The following NNT variants were observed in gnomAD, a reference collection of about 807,000 sequenced individuals.
The protein encoded by NNT is nicotinamide nucleotide transhydrogenase.
Under a neutral mutation model 104.8 loss-of-function variants are expected in NNT, and 50 were observed. The ratio of observed to expected loss-of-function variants is 0.48; its 90% confidence interval spans 0.38 to 0.60. NNT has a LOEUF of 0.60. NNT is among the 20% of genes least tolerant of loss of function. NNT has a pLI of 0.00. For synonymous variants in NNT, 461 were observed against 490.4 expected (o/e 0.94, Z 0.79); for missense variants, 1,131 against 1,330.7 (o/e 0.85, Z 2.33).
chr5:43,640,563 T>G (rs1751175869), intron 7 of NNT, among the ~76,000 whole-genome samples: 1 of 152,048 alleles, frequency 6.6e-6, no homozygotes, highest in South Asian at 2.1e-4. Flanking sequence ...ATCTTTAAAA[T>G]AAAAATGATA....
At chr5:43,678,542 G>A (rs1009378385) in intron 19 of NNT, among the ~76,000 whole-genome samples, 1 of 152,170 alleles carries the variant, frequency 6.6e-6, no homozygotes, top group Non-Finnish European at 1.5e-5. Context: ...TCTGTGGTTT[G>A]ATTTGAGGAA....
At chr5:43,659,043 C>A in intron 16 of NNT, 128 bp from the exon 17 acceptor site, 2 of 868,986 alleles carry the variant, frequency 2.3e-6, no homozygotes, top group Non-Finnish European at 3.4e-6. Context: ...ACACTTATTA[C>A]CGGAAGTGGA....
At position 43,613,005 on chromosome 5, in the gene NNT, C is replaced by G; in HGVS notation, c.249C>G (p.Val83=). ...CTCCTGCTGGTGTTCAGAACTTGGTCAAGCAGGGTTTTAATGTTGTCGTGG... is the reference window on the plus strand; with the variant it reads ...CTCCTGCTGGTGTTCAGAACTTGGTGAAGCAGGGTTTTAATGTTGTCGTGG... The part of the protein sequence containing the change: ...ALSPAGVQNL[V]KQGFNVVVES... The change falls in exon 3 of 22, where the codon GTC becomes GTG. Residue 83 remains valine, a synonymous_variant. Transcript: ENST00000344920. 6.2e-7 allele frequency: 1 copy of G among 1,614,062 alleles called. No individual in the cohort carries two copies. The highest frequency in any genetic ancestry group is 8.5e-7 in the Non-Finnish European group (1 of 1,180,012).
chr5:43,695,349 G>A (rs566747029), intron 19 of NNT, among the ~76,000 whole-genome samples: 1 of 152,268 alleles, frequency 6.6e-6, no homozygotes, highest in East Asian at 1.9e-4. Flanking sequence ...CAGTTCTTGT[G>A]AAAAATAACA....
Position 43,655,959 on chromosome 5 carries a change from C to T in NNT, c.2179C>T (p.Pro727Ser). Residue 727 changes from proline to serine, a missense_variant, in exon 15 of 22, where the codon CCA becomes TCA. Physicochemically the swap from Pro to Ser is moderately conservative, Grantham distance 74. Transcript: ENST00000344920. ...TCIAEYIIEY[P>S]HFATDAAANL... Reference sequence around the variant, plus strand: ...CATAGCTGAGTACATTATAGAATATCCACATTTTGCTACGGATGCAGCAGC... The same window carrying T: ...CATAGCTGAGTACATTATAGAATATTCACATTTTGCTACGGATGCAGCAGC... 1 of 1,614,090 alleles carries T rather than the reference C, an allele frequency of 6.2e-7. No individual in the cohort carries two copies. The highest frequency in any genetic ancestry group is 8.5e-7 in the Non-Finnish European group (1 of 1,180,008).
rs1433097518 is a variant in NNT, at chr5:43,656,702, T to G, written c.2343T>G (p.Asn781Lys). ...PLLLPGRHLL[N>K]AGLLAASVGG... ...TACTGCCTGGAAGGCACTTACTCAA[T>G]GCAGGCTTACTGGCTGCTAGTGTGG... Residue 781 changes from asparagine to lysine, a missense_variant, in exon 16 of 22, where the codon AAT becomes AAG. Coordinates refer to ENST00000344920, the MANE Select transcript of NNT (RefSeq NM_182977.3). The G allele has an allele frequency of 6.2e-7, 1 of 1,614,048 alleles. No homozygotes were observed. Among genetic ancestry groups the G allele is most frequent in the Non-Finnish European group, 8.5e-7 (1 of 1,180,014 alleles).
rs547682076 is a variant in NNT at position 43,612,917 on chromosome 5, A to G, written c.161A>G (p.Tyr54Cys). Residue 54 changes from tyrosine (Y) to cysteine (C), a missense_variant, in exon 3 of 22, where the codon TAT (tyrosine) becomes TGT (cysteine). Transcript: ENST00000344920. ...CTTTGCTTGTTTCTAGGAATTCCATATAAGCAACTGACTGTTGGAGTCCCC... is the reference window on the plus strand; with the variant it reads ...CTTTGCTTGTTTCTAGGAATTCCATGTAAGCAACTGACTGTTGGAGTCCCC... Reference protein sequence around the residue: ...CKAPVKPGIPYKQLTVGVPKE... With the variant: ...CKAPVKPGIPCKQLTVGVPKE... 5.6e-6 allele frequency: 9 copies of G among 1,611,048 alleles called. No homozygotes were observed. Among genetic ancestry groups the G allele is most frequent in the Middle Eastern group, 1.7e-4 (1 of 6,054 alleles).
intron 17 of NNT, among the ~76,000 whole-genome samples, chr5:43,672,335 G>T (rs557561878): frequency 6.6e-6 from 1 of 151,014 alleles, no homozygotes; most frequent in African/African-American, 2.4e-5. Flanking sequence ...GAGGAGCTGC[G>T]TTCCTTTGGA....
intron 7 of NNT, among the ~76,000 whole-genome samples, chr5:43,631,678 A>G (rs1750684444): frequency 1.3e-5 from 2 of 152,180 alleles, no homozygotes; most frequent in Non-Finnish European, 2.9e-5. Context: ...CTCAAGATTT[A>G]TTTTATAAAC....
rs1255189474 is a variant in NNT at position 43,705,895 on chromosome 5, C to T, written c.*1491C>T. On this transcript the variant is annotated 3_prime_UTR_variant, in exon 22 of 22. Transcript: ENST00000344920. ...CTAGTAAACTCAGGGCTGAATTATA[C>T]CATGTATATTCTATTAGAAGAAAGT... 1 of 151,894 alleles carries T rather than the reference C, an allele frequency of 6.6e-6. No homozygotes were observed. Among genetic ancestry groups the T allele is most frequent in the Non-Finnish European group, 1.5e-5 (1 of 67,936 alleles). The allele number at this position is 151,894 out of a possible 1,614,324, so 9.4% of individuals were successfully genotyped here.
At position 43,615,919 on chromosome 5, in the gene NNT, G is replaced by A. The variant is rs771659537; in HGVS notation, c.453G>A (p.Leu151=). The A allele has an allele frequency of 1.3e-5, 21 of 1,614,034 alleles. No homozygotes were observed. In the African/African-American group the frequency reaches 2.3e-4, roughly 17 times the overall value. The part of the protein sequence containing the change: ...EADLLKTSGT[L]ISFIYPAQNP... ...ACCTTTTAAAGACATCAGGAACGCT[G>A]ATTAGTTTTATTTACCCAGCCCAAA... Residue 151 remains leucine (L), a synonymous_variant, in exon 4 of 22, where the codon CTG becomes CTA. Coordinates refer to ENST00000344920, the MANE Select transcript of NNT (RefSeq NM_182977.3).
intron 19 of NNT, among the ~76,000 whole-genome samples, chr5:43,679,917 ATTAT>A (rs1405916126): frequency 6.6e-6 from 1 of 151,836 alleles, no homozygotes; most frequent in African/African-American, 2.4e-5. Flanking sequence ...TCAGAATAAG[ATTAT>A]TAATTCAGTC....
intron 7 of NNT, among the ~76,000 whole-genome samples, chr5:43,629,642 T>C (rs1750573994): frequency 6.6e-6 from 1 of 152,214 alleles, no homozygotes; most frequent in Non-Finnish European, 1.5e-5. Context: ...ACATCAGTTA[T>C]TTTTTGATTT....
rs1749923411 is a variant in NNT, at chr5:43,618,901, CAT to C, written c.600-129_600-128del. 9.2e-6 allele frequency: 4 copies of C among 433,618 alleles called. No individual in the cohort carries two copies. In the South Asian group the frequency reaches 2.5e-4, roughly 27 times the overall value. 26.9% of individuals were successfully genotyped at this position (433,618 alleles called of 1,614,324 possible). On this transcript the variant is annotated intron_variant, in intron 4 of 21. Coordinates refer to ENST00000344920, the MANE Select transcript of NNT (RefSeq NM_182977.3). ...ACAACACTTAGAACTGTTTTTGACACATAGTACATACTACATAAATATTAGCT... is the reference window on the plus strand; with the variant it reads ...ACAACACTTAGAACTGTTTTTGACACAGTACATACTACATAAATATTAGCT...
At chr5:43,619,899 A>G (rs544564966) in intron 5 of NNT, among the ~76,000 whole-genome samples, 4 of 152,316 alleles carry the variant, frequency 2.6e-5, no homozygotes, top group Non-Finnish European at 2.9e-5. Flanking sequence ...TAAAGGGAGC[A>G]GGCGTGTGCA....
chr5:43,684,217 A>T (rs957142542), intron 19 of NNT, among the ~76,000 whole-genome samples: 4 of 143,980 alleles, frequency 2.8e-5, no homozygotes, highest in East Asian at 2.0e-4. Context: ...TTCTTTCATA[A>T]TTTTTTTTTT....
chr5:43,606,072 T>G (rs1749212545), intron 1 of NNT, among the ~76,000 whole-genome samples: 1 of 152,246 alleles, frequency 6.6e-6, no homozygotes, highest in East Asian at 1.9e-4. Flanking sequence ...TTTTTATAGT[T>G]GAGCTAACTG....
At chr5:43,681,433 T>C (rs1299262656) in intron 19 of NNT, among the ~76,000 whole-genome samples, 1 of 152,038 alleles carries the variant, frequency 6.6e-6, no homozygotes, top group Non-Finnish European at 1.5e-5. Context: ...AGTTTCACTC[T>C]TGTCACCCAG....
chr5:43,681,839 G>C (rs1287398083), intron 19 of NNT, among the ~76,000 whole-genome samples: 36 of 152,298 alleles, frequency 2.4e-4, no homozygotes. Context: ...GTCCTCAAAA[G>C]TTTATAGTTA....
Sources: gnomAD v4.1 joint callset for allele counts (sites outside exome capture counted in the v4.1 genomes callset) on GRCh38, gnomAD v4.1.1 for gene constraint, MANE v1.5 for transcripts, NCBI Gene and HGNC (gene_info 2026-07-23, HGNC 2026-07-21) for gene names.